Variants in OR1L8 observed in about 807,000 individuals in gnomAD.
OR1L8 encodes the protein olfactory receptor 1L8.
For missense variants in OR1L8, 330 were observed against 377.4 expected, an observed-to-expected ratio of 0.87 and a Z score of 1.04; for synonymous variants, 148 against 147.0, an observed-to-expected ratio of 1.01 and a Z score of -0.05.
At chr9:122,582,506 G>A (rs762140708) in intron 1 of OR1L8, among the ~76,000 whole-genome samples, 11 of 151,896 alleles carry the variant, frequency 7.2e-5, no homozygotes, top group African/African-American at 1.5e-4. Context: ...ACTTGAGTTC[G>A]GGAGTTTGGG....
At chr9:122,553,493 C>G in the OR1L8 span, 1 of 1,613,926 alleles carries the variant, frequency 6.2e-7, no homozygotes, top group South Asian at 1.1e-5. Context: ...AGAGTCAGAT[C>G]ATCTCGTATT....
At chr9:122,563,004 G>A (rs888429234), downstream of OR1L8, among the ~76,000 whole-genome samples, 8 of 152,096 alleles carry the variant, frequency 5.3e-5, no homozygotes, top group East Asian at 1.9e-4. Flanking sequence ...ACTCTTTGAC[G>A]TACTTATTTC....
the OR1L8 span, among the ~76,000 whole-genome samples, chr9:122,552,030 G>C: frequency 0.24 from 29,189 of 120,090 alleles, 3,315 homozygotes; most frequent in Middle Eastern, 0.31. Flanking sequence ...GAAGGGGTAG[G>C]ACACATACAC....
At position 122,568,300 on chromosome 9, in the gene OR1L8, T is replaced by C. The variant is rs775233385; in HGVS notation, c.178A>G (p.Met60Val). ...IRFNPHLQTP[M>V]YFFLSFLSLT... is the part of the protein sequence containing the mutation. ...GACAGAAAACTCAAGAAGAAATACATAGGGGTCTGAAGATGGGGGTTGAAG... is the reference window on the plus strand; with the variant it reads ...GACAGAAAACTCAAGAAGAAATACACAGGGGTCTGAAGATGGGGGTTGAAG... Residue 60 changes from methionine to valine, a missense_variant, in exon 5 of 5, where the codon ATG (methionine) becomes GTG (valine). Met to Val is a conservative substitution (Grantham distance 21, BLOSUM62 1). Coordinates refer to ENST00000641027, the MANE Select transcript of OR1L8 (RefSeq NM_001004454.2). 19 of 1,613,866 alleles carry C rather than the reference T, an allele frequency of 1.2e-5. No individual in the cohort carries two copies. Among genetic ancestry groups the C allele is most frequent in the East Asian group, 1.1e-4 (5 of 44,892 alleles).
At chr9:122,577,342 C>T (rs1829675073) in intron 2 of OR1L8, among the ~76,000 whole-genome samples, 1 of 152,086 alleles carries the variant, frequency 6.6e-6, no homozygotes, top group Non-Finnish European at 1.5e-5. Flanking sequence ...AATTTAAGGG[C>T]TTACAATAAC....
chr9:122,547,078 T>C, the OR1L8 span, among the ~76,000 whole-genome samples: 3 of 151,590 alleles, frequency 2.0e-5, no homozygotes, highest in East Asian at 5.8e-4. Context: ...AAAATAATTT[T>C]TTTAAAAAGA....
intron 2 of OR1L8, among the ~76,000 whole-genome samples, chr9:122,577,907 ATG>A (rs1829685493): frequency 6.6e-6 from 1 of 152,198 alleles, no homozygotes; most frequent in Admixed American, 6.5e-5. Context: ...GAAATTCAAT[ATG>A]TGGTTAATTA....
intron 1 of OR1L8, among the ~76,000 whole-genome samples, chr9:122,579,158 T>C (rs35112076): frequency 0.022 from 3,279 of 152,142 alleles, 68 homozygotes; most frequent in African/African-American, 0.054. Flanking sequence ...TGGGGCTTGG[T>C]TAAATTATAA....
chr9:122,553,972 T>C, the OR1L8 span: 1 of 1,613,824 alleles, frequency 6.2e-7, no homozygotes, highest in South Asian at 1.1e-5. Flanking sequence ...GTTCTGCTCT[T>C]CTATGGGTCT....
At chr9:122,564,297 G>C (rs1210518193), downstream of OR1L8, among the ~76,000 whole-genome samples, 3 of 152,276 alleles carry the variant, frequency 2.0e-5, no homozygotes, top group East Asian at 5.8e-4. Flanking sequence ...CTGTGGTTAT[G>C]TCCCCAGTGC....
In OR1L8 at chr9:122,568,091, G is replaced by T; in HGVS notation, c.387C>A (p.Asp129Glu). 1 of 1,614,062 alleles carries T rather than the reference G, an allele frequency of 6.2e-7. No individual in the cohort carries two copies. The highest frequency in any genetic ancestry group is 8.5e-7 in the Non-Finnish European group (1 of 1,179,996). Residue 129 changes from aspartate (D) to glutamate (E), a missense_variant, in exon 5 of 5, where the codon GAC (aspartate) becomes GAA (glutamate). Coordinates refer to ENST00000641027, the MANE Select transcript of OR1L8 (RefSeq NM_001004454.2). ...MAFDRYVAVC[D>E]PFHYVTTMSH... is the part of the protein sequence containing the mutation. ...TCATGGTGGTGACATAGTGGAAAGG[G>T]TCACAGACGGCCACATAGCGGTCAA...
chr9:122,568,274 A>C lies in OR1L8; in HGVS notation c.204T>G (p.Ser68=). 1 of 1,614,090 alleles carries C rather than the reference A, an allele frequency of 6.2e-7. No homozygotes were observed. The highest frequency in any genetic ancestry group is 8.5e-7 in the Non-Finnish European group (1 of 1,179,942). The change falls in exon 5 of 5, where the codon TCT becomes TCG. Residue 68 remains serine, a synonymous_variant. Transcript: ENST00000641027. ...TPMYFFLSFL[S]LTDICFTTSV... is the part of the protein sequence containing the mutation. The stretch of plus-strand genomic sequence containing the variant: ...TTGTTGTAAAGCAAATATCAGTGAG[A>C]GACAGAAAACTCAAGAAGAAATACA...
the OR1L8 span, among the ~76,000 whole-genome samples, chr9:122,548,755 C>T: frequency 2.5e-5 from 3 of 118,168 alleles, no homozygotes; most frequent in African/African-American, 9.5e-5. Flanking sequence ...CCCCTCTACC[C>T]CCACCCCACA....
chr9:122,566,761 A>G (rs1829432745), downstream of OR1L8, among the ~76,000 whole-genome samples: 1 of 141,400 alleles, frequency 7.1e-6, no homozygotes. Flanking sequence ...ATATTTCTAT[A>G]GGCTAGAGTC....
chr9:122,552,098 C>T, the OR1L8 span, among the ~76,000 whole-genome samples: 8 of 151,480 alleles, frequency 5.3e-5, no homozygotes, highest in Admixed American at 3.3e-4. Flanking sequence ...CACACATATA[C>T]ACCTTCCTTC....
At chr9:122,550,968 A>G in the OR1L8 span, among the ~76,000 whole-genome samples, 4 of 152,160 alleles carry the variant, frequency 2.6e-5, no homozygotes. Flanking sequence ...AAGTCAAAGT[A>G]TCTTTGTTTG....
In OR1L8 at chr9:122,571,190, G is replaced by A. The variant is rs538845564; in HGVS notation, c.-213+1590C>T. ...TAAGGGTGATTACCAATCTTTCTGT[G>A]TGGTACAGATGGTGGGATTTGAAAG... On this transcript the variant is annotated intron_variant, in intron 4 of 4. Transcript: ENST00000641027. 4.6e-5 allele frequency among the ~76,000 whole-genome samples: 7 copies of A among 152,238 alleles called. No homozygotes were observed. In the South Asian group the frequency reaches 1.5e-3, roughly 32 times the overall value.
the OR1L8 span, among the ~76,000 whole-genome samples, chr9:122,551,323 A>C: frequency 1.3e-5 from 2 of 152,202 alleles, no homozygotes; most frequent in African/African-American, 2.4e-5. Flanking sequence ...ATTAAAATAC[A>C]GTAGATATAA....
chr9:122,553,190 C>T, the OR1L8 span: 4 of 1,610,434 alleles, frequency 2.5e-6, 1 homozygote, highest in Admixed American at 6.7e-5. Context: ...TTTATCTGCG[C>T]AGATCACACG....
Sources: gnomAD v4.1 joint callset for allele counts (sites outside exome capture counted in the v4.1 genomes callset) on GRCh38, gnomAD v4.1.1 for gene constraint, MANE v1.5 for transcripts, NCBI Gene and HGNC (gene_info 2026-07-23, HGNC 2026-07-21) for gene names.